SDK2: variants seen among roughly 807,000 people sequenced by gnomAD.
The protein encoded by SDK2 is protein sidekick-2.
A neutral mutation model predicts 253.9 loss-of-function variants in SDK2; 105 were observed. That is an observed-to-expected ratio of 0.41 (90% CI 0.35 to 0.49). SDK2 has a LOEUF of 0.49. Ranked by LOEUF, SDK2 falls within the 20% of genes least tolerant of loss-of-function variation. SDK2 has a pLI of 0.06. For missense variants in SDK2, 2,608 were observed against 3,003.0 expected (o/e 0.87, Z 3.07); for synonymous variants, 1,249 against 1,234.9 (o/e 1.01, Z -0.24).
intron 36 of SDK2, among the ~76,000 whole-genome samples, chr17:73,376,842 C>T (rs2062785971): frequency 6.6e-6 from 1 of 152,182 alleles, no homozygotes; most frequent in Non-Finnish European, 1.5e-5. Context: ...TTTAGGGCTT[C>T]CTTGGCAACA....
intron 43 of SDK2, 137 bp from the exon 44 acceptor site, chr17:73,348,862 T>G: frequency 2.9e-6 from 2 of 690,030 alleles, no homozygotes; most frequent in Admixed American, 2.9e-5. Flanking sequence ...TGGGTCTGCC[T>G]TCCAGGGGCC....
At chr17:73,499,813 GC>G (rs1448104848) in intron 2 of SDK2, among the ~76,000 whole-genome samples, 1 of 151,836 alleles carries the variant, frequency 6.6e-6, no homozygotes, top group Admixed American at 6.6e-5. Flanking sequence ...GCACCCATGA[GC>G]CTCCATAAAC....
intron 5 of SDK2, among the ~76,000 whole-genome samples, chr17:73,442,757 C>T (rs1184526861): frequency 6.6e-6 from 1 of 151,854 alleles, no homozygotes; most frequent in Non-Finnish European, 1.5e-5. Flanking sequence ...GAGTTACCAT[C>T]ATCCAACTCC....
intron 28 of SDK2, 142 bp downstream of exon 28, chr17:73,391,296 ACT>A (rs2062926114): frequency 2.4e-6 from 1 of 417,610 alleles, no homozygotes; most frequent in African/African-American, 2.1e-5. Context: ...TAGCAGGAGG[ACT>A]AACACCCAGA....
intron 25 of SDK2, 147 bp from the exon 26 acceptor site, chr17:73,394,471 G>A: frequency 2.1e-6 from 1 of 481,032 alleles, no homozygotes; most frequent in South Asian, 4.9e-5. Flanking sequence ...TCCCCAAACT[G>A]CAAACAATCC....
At chr17:73,490,497 ATACT>A (rs1319480314) in intron 2 of SDK2, among the ~76,000 whole-genome samples, 3 of 148,586 alleles carry the variant, frequency 2.0e-5, no homozygotes, top group Admixed American at 2.0e-4. Context: ...AGTTGTAACA[ATACT>A]TACTAATATG....
chr17:73,452,321 C>G (rs922681645), intron 4 of SDK2, among the ~76,000 whole-genome samples: 1 of 152,112 alleles, frequency 6.6e-6, no homozygotes, highest in Non-Finnish European at 1.5e-5. Flanking sequence ...GTATCTCTGA[C>G]ACACAGACAC....
rs942928064 is a variant in SDK2 at position 73,431,704 on chromosome 17, C to A, written c.1313-35G>T. 6.4e-7 allele frequency: 1 copy of A among 1,559,932 alleles called. No homozygotes were observed. The highest frequency in any genetic ancestry group is 8.7e-7 in the Non-Finnish European group (1 of 1,152,610). ...AAACAGGGTGGGGGTCAGCCTGTAG[C>A]CCCCAAGGGCACACCCTGCCCTTCC... is the stretch of plus-strand genomic sequence containing the variant. On this transcript the variant is annotated intron_variant, in intron 10 of 44. Coordinates refer to ENST00000392650, the MANE Select transcript of SDK2 (RefSeq NM_001144952.2). The surrounding 1 kb of genome is among the most constrained non-coding windows in gnomAD (Gnocchi z 5.6).
rs1038235606 is a variant in SDK2, at chr17:73,394,772, G to A, written c.3592+383C>T. 3.3e-5 allele frequency among the ~76,000 whole-genome samples: 5 copies of A among 152,326 alleles called. No individual in the cohort carries two copies. The East Asian group carries it at 9.7e-4, about 29-fold the overall frequency. The stretch of plus-strand genomic sequence containing the variant: ...CCTGGGCAGGCCCCCAGGAGCTTCC[G>A]GTAGTGATTCTGGAATGTCCTGAGA... On this transcript the variant is annotated intron_variant, in intron 25 of 44. Coordinates refer to ENST00000392650, the MANE Select transcript of SDK2 (RefSeq NM_001144952.2).
chr17:73,458,367 C>A (rs886883608), intron 3 of SDK2, among the ~76,000 whole-genome samples: 37 of 152,210 alleles, frequency 2.4e-4, no homozygotes, highest in Admixed American at 2.1e-3. Context: ...CTCCTTCCCT[C>A]CCAGGCATCC....
chr17:73,582,345 T>A (rs112252504), intron 1 of SDK2, among the ~76,000 whole-genome samples: 1 of 138,528 alleles, frequency 7.2e-6, no homozygotes, highest in Non-Finnish European at 1.6e-5. Context: ...CATTTGGGGG[T>A]GCACACCATG....
chr17:73,608,337 G>A (rs1258815500), intron 1 of SDK2, among the ~76,000 whole-genome samples: 1 of 152,116 alleles, frequency 6.6e-6, no homozygotes, highest in Non-Finnish European at 1.5e-5. Flanking sequence ...ATCCCATCGT[G>A]TCAGGGTGCC....
chr17:73,530,072 A>G (rs2064157470), intron 1 of SDK2, among the ~76,000 whole-genome samples: 1 of 152,138 alleles, frequency 6.6e-6, no homozygotes, highest in Non-Finnish European at 1.5e-5. Flanking sequence ...TTCCAGTCGA[A>G]CCCATACCTG....
At chr17:73,360,413 C>T (rs1406537311) in intron 39 of SDK2, among the ~76,000 whole-genome samples, 14 of 152,032 alleles carry the variant, frequency 9.2e-5, no homozygotes, top group Non-Finnish European at 1.6e-4. Context: ...GGGAGGCCTG[C>T]GCCATTCTTG....
intron 2 of SDK2, among the ~76,000 whole-genome samples, chr17:73,497,699 C>A (rs923520376): frequency 6.6e-6 from 1 of 151,932 alleles, no homozygotes; most frequent in Non-Finnish European, 1.5e-5. Context: ...CACAATGGAC[C>A]CACACCTCCT....
chr17:73,447,628 C>A lies in SDK2; in HGVS notation c.600G>T (p.Thr200=), dbSNP rs535416617. The change falls in exon 5 of 45, where the codon ACG becomes ACT. Residue 200 remains threonine, a synonymous_variant. Coordinates refer to ENST00000392650, the MANE Select transcript of SDK2 (RefSeq NM_001144952.2). This position sits in a 1 kb window ranked among gnomAD's most constrained non-coding sequence, Gnocchi z 4.0. ...NGDNKTSQPI[T]LTVENVGGPA... Reference sequence around the variant, plus strand: ...GTGCGTACTTACTCTCCACGGTGAGCGTGATGGGCTGGCTGGTCTTGTTAT... The same window carrying A: ...GTGCGTACTTACTCTCCACGGTGAGAGTGATGGGCTGGCTGGTCTTGTTAT... The A allele has an allele frequency of 9.7e-6, 15 of 1,551,856 alleles. No individual in the cohort carries two copies. Among genetic ancestry groups the A allele is most frequent in the Non-Finnish European group, 1.2e-5 (14 of 1,147,072 alleles).
At position 73,465,865 on chromosome 17, in the gene SDK2, C is replaced by A. The variant is rs1354171711; in HGVS notation, c.331+6247G>T. ...TTGTCACCCCAGGAGACAGGAACAG[C>A]CAAGGAGGGGAGGGGCATTTGGGAA... is the stretch of plus-strand genomic sequence containing the variant. On this transcript the variant is annotated intron_variant, in intron 3 of 44. Coordinates refer to ENST00000392650, the MANE Select transcript of SDK2 (RefSeq NM_001144952.2). This position sits in a 1 kb window ranked among gnomAD's most constrained non-coding sequence, Gnocchi z 4.2. 6.6e-6 allele frequency among the ~76,000 whole-genome samples: 1 copy of A among 152,096 alleles called. No homozygotes were observed.
In SDK2 at chr17:73,440,889, G is replaced by A; in HGVS notation, c.648C>T (p.Thr216=). ...VGGPADPIAP[T]IIIPPKNTSV... Reference sequence around the variant, plus strand: ...TGGTGTTTTTAGGTGGGATGATGATGGTGGGTGCGATGGGGTCTGCAGGCC... The same window carrying A: ...TGGTGTTTTTAGGTGGGATGATGATAGTGGGTGCGATGGGGTCTGCAGGCC... Residue 216 remains threonine, a synonymous_variant, in exon 6 of 45, where the codon ACC becomes ACT. Transcript: ENST00000392650. The A allele has an allele frequency of 6.4e-7, 1 of 1,551,696 alleles. No individual in the cohort carries two copies. Among genetic ancestry groups the A allele is most frequent in the Non-Finnish European group, 8.7e-7 (1 of 1,146,968 alleles).
intron 37 of SDK2, among the ~76,000 whole-genome samples, chr17:73,367,529 T>C (rs2062696084): frequency 1.3e-5 from 2 of 151,538 alleles, no homozygotes; most frequent in Admixed American, 1.3e-4. Context: ...GGACAGAGTC[T>C]TACTCTGTCA....
Sources: gnomAD v4.1 joint callset for allele counts (sites outside exome capture counted in the v4.1 genomes callset) on GRCh38, gnomAD v4.1.1 for gene constraint, Gnocchi (gnomAD v3.1) non-coding constraint, MANE v1.5 for transcripts, NCBI Gene and HGNC (gene_info 2026-07-23, HGNC 2026-07-21) for gene names.